The following NPFFR2 variants were observed in gnomAD, a reference collection of about 807,000 sequenced individuals.
NPFFR2 encodes neuropeptide FF receptor 2, also known as G-protein coupled receptor 74.
A neutral mutation model predicts 13.1 loss-of-function variants in NPFFR2; 15 were observed. That is an observed-to-expected ratio of 1.15 (90% CI 0.77 to 1.76). The LOEUF is 1.76. NPFFR2 is among the 40% of genes most tolerant of loss of function. The pLI is 0.00. For missense variants in NPFFR2, 572 were observed against 503.5 expected (o/e 1.14, Z -1.30); for synonymous variants, 190 against 175.7 (o/e 1.08, Z -0.65).
At chr4:72,095,840 A>C (rs959756772) in intron 1 of NPFFR2, among the ~76,000 whole-genome samples, 14 of 152,134 alleles carry the variant, frequency 9.2e-5, no homozygotes, top group Non-Finnish European at 1.5e-5. Context: ...GGCTTAGCTC[A>C]TTCTCTGCTC....
In NPFFR2 at chr4:72,146,089, A is replaced by G. The variant is rs1722773657; in HGVS notation, c.429-889A>G. On this transcript the variant is annotated intron_variant, in intron 3 of 3. Transcript: ENST00000308744. Reference sequence around the variant, plus strand: ...ATACTCTCAGATTTTTACAGCTGTAAAGCAAATCAGCAAAACATTTAGTGG... The same window carrying G: ...ATACTCTCAGATTTTTACAGCTGTAGAGCAAATCAGCAAAACATTTAGTGG... Among the ~76,000 whole-genome samples, 4 of 152,294 alleles carry G rather than the reference A, an allele frequency of 2.6e-5. No homozygotes were observed. The South Asian group carries it at 8.3e-4, about 32-fold the overall frequency.
chr4:72,135,978 A>T (rs1722398091), intron 2 of NPFFR2, among the ~76,000 whole-genome samples: 1 of 152,230 alleles, frequency 6.6e-6, no homozygotes, highest in Non-Finnish European at 1.5e-5. Flanking sequence ...TCTTTATGTT[A>T]AGAACATTTC....
chr4:72,069,664 A>G (rs1170676199), intron 1 of NPFFR2, among the ~76,000 whole-genome samples: 3 of 152,102 alleles, frequency 2.0e-5, no homozygotes, highest in Non-Finnish European at 2.9e-5. Context: ...TTTTCCATAG[A>G]TTAGAAAAAT....
At chr4:72,071,728 G>GA (rs1455283841) in intron 1 of NPFFR2, among the ~76,000 whole-genome samples, 1 of 152,090 alleles carries the variant, frequency 6.6e-6, no homozygotes, top group Non-Finnish European at 1.5e-5. Context: ...ATATACTGGG[G>GA]ATCTATGCCC....
intron 1 of NPFFR2, among the ~76,000 whole-genome samples, chr4:72,113,341 A>G (rs2109821194): frequency 6.6e-6 from 1 of 152,168 alleles, no homozygotes; most frequent in South Asian, 2.1e-4. Context: ...GTCTTACTTT[A>G]TCAGCACCAC....
chr4:72,043,309 T>A (rs1315366171), intron 1 of NPFFR2, among the ~76,000 whole-genome samples: 1 of 152,158 alleles, frequency 6.6e-6, no homozygotes, highest in African/African-American at 2.4e-5. Context: ...AATGTGGGGT[T>A]GGAGCCCTGA....
intron 1 of NPFFR2, 100 bp from the exon 2 acceptor site, chr4:72,128,485 T>C: frequency 1.5e-6 from 1 of 674,658 alleles, no homozygotes. Flanking sequence ...CCACAAAAAT[T>C]CCATGGCATT....
chr4:72,050,145 A>G (rs748993410), intron 1 of NPFFR2, among the ~76,000 whole-genome samples: 8 of 152,004 alleles, frequency 5.3e-5, no homozygotes, highest in Non-Finnish European at 1.2e-4. Context: ...TGAATGTCCT[A>G]ATCAAAGGAG....
rs542759277 is a variant in NPFFR2, at chr4:72,124,363, C to T, written c.-7-4222C>T. Among the ~76,000 whole-genome samples the T allele has an allele frequency of 8.7e-4, 133 of 152,186 alleles. 1 individual carries two copies. The highest frequency in any genetic ancestry group is 1.4e-3 in the Non-Finnish European group (98 of 67,996). On this transcript the variant is annotated intron_variant, in intron 1 of 3. Transcript: ENST00000308744. The stretch of plus-strand genomic sequence containing the variant: ...AGTCAATGCTATCCCCATCAAGCTA[C>T]GACTGACTTTCTTCACAGAATTAGA...
rs373074577 is a variant in NPFFR2, at chr4:72,137,433, G to C, written c.329-607G>C. On this transcript the variant is annotated intron_variant, in intron 2 of 3. Coordinates refer to ENST00000308744, the MANE Select transcript of NPFFR2 (RefSeq NM_004885.3). Reference sequence around the variant, plus strand: ...ACAGTAGCTAAGGTTTAGTAGGAAAGTAATACTTTTGTTCATGCAAAGTGC... The same window carrying C: ...ACAGTAGCTAAGGTTTAGTAGGAAACTAATACTTTTGTTCATGCAAAGTGC... 1.2e-4 allele frequency among the ~76,000 whole-genome samples: 18 copies of C among 152,238 alleles called. No individual in the cohort carries two copies. In the South Asian group the frequency reaches 3.5e-3, roughly 30 times the overall value.
At position 72,128,884 on chromosome 4, in the gene NPFFR2, G is replaced by A; in HGVS notation, c.293G>A (p.Cys98Tyr). ...AISDLLVGIF[C>Y]MPITLLDNII... is the part of the protein sequence containing the mutation. ...AGTGATTTACTAGTTGGCATATTCT[G>A]CATGCCTATAACACTGCTGGACAAT... Residue 98 changes from cysteine to tyrosine, a missense_variant, in exon 2 of 4, where the codon TGC becomes TAC. Cys to Tyr is a radical substitution (Grantham distance 194). Coordinates refer to ENST00000308744, the MANE Select transcript of NPFFR2 (RefSeq NM_004885.3). The A allele has an allele frequency of 6.2e-7, 1 of 1,613,620 alleles. No homozygotes were observed. Among genetic ancestry groups the A allele is most frequent in the Non-Finnish European group, 8.5e-7 (1 of 1,179,588 alleles).
chr4:72,130,624 T>C (rs918581347), intron 2 of NPFFR2, among the ~76,000 whole-genome samples: 36 of 152,106 alleles, frequency 2.4e-4, no homozygotes, highest in African/African-American at 8.7e-4. Flanking sequence ...GCGGCTCCCT[T>C]ACTCCACCTG....
intron 3 of NPFFR2, among the ~76,000 whole-genome samples, chr4:72,144,261 G>C (rs578035519): frequency 2.6e-5 from 4 of 152,214 alleles, no homozygotes; most frequent in South Asian, 4.1e-4. Flanking sequence ...AAGGCTACTT[G>C]AAGGTACCTG....
chr4:72,092,460 G>A (rs2109802947), intron 1 of NPFFR2, among the ~76,000 whole-genome samples: 1 of 152,098 alleles, frequency 6.6e-6, no homozygotes, highest in East Asian at 1.9e-4. Context: ...CTATTACTGT[G>A]TTGCTGTCTA....
intron 1 of NPFFR2, among the ~76,000 whole-genome samples, chr4:72,097,938 C>T (rs1721117008): frequency 6.7e-6 from 1 of 150,070 alleles, no homozygotes; most frequent in East Asian, 2.0e-4. Flanking sequence ...TCAGATAGAG[C>T]TGATAGATTC....
chr4:72,083,650 G>C (rs1378431051), intron 1 of NPFFR2, among the ~76,000 whole-genome samples: 1 of 151,966 alleles, frequency 6.6e-6, no homozygotes, highest in African/African-American at 2.4e-5. Context: ...GCTTGACTCT[G>C]GGCCCCTCTC....
chr4:72,095,258 C>T (rs1721031440), intron 1 of NPFFR2, among the ~76,000 whole-genome samples: 2 of 152,162 alleles, frequency 1.3e-5, no homozygotes, highest in South Asian at 4.1e-4. Context: ...CTGGAACTGG[C>T]TTGTACTGGC....
At chr4:72,103,647 C>CA (rs995326849) in intron 1 of NPFFR2, among the ~76,000 whole-genome samples, 19 of 151,418 alleles carry the variant, frequency 1.3e-4, no homozygotes, top group Admixed American at 5.3e-4. Flanking sequence ...TGTATATCAT[C>CA]AAAAAAAATC....
rs780735926 is a variant in NPFFR2, at chr4:72,128,826, G to A, written c.235G>A (p.Val79Ile). ...AATGAGGAACAAACATATGCACACA[G>A]TCACTAATCTCTTCATCTTAAACCT... The part of the protein sequence containing the change: ...IVMRNKHMHT[V>I]TNLFILNLAI... Residue 79 changes from valine (V) to isoleucine (I), a missense_variant, in exon 2 of 4, where the codon GTC becomes ATC. Coordinates refer to ENST00000308744, the MANE Select transcript of NPFFR2 (RefSeq NM_004885.3). 4 of 1,613,970 alleles carry A rather than the reference G, an allele frequency of 2.5e-6. No individual in the cohort carries two copies. In the African/African-American group the frequency reaches 4.0e-5, roughly 16 times the overall value.
Sources: allele counts gnomAD v4.1 joint callset (sites outside exome capture counted in the v4.1 genomes callset), GRCh38; gene constraint gnomAD v4.1.1; transcripts MANE v1.5; gene names NCBI Gene and HGNC (gene_info 2026-07-23, HGNC 2026-07-21).